LMNTD1: variants seen among roughly 807,000 people sequenced by gnomAD.
The protein encoded by LMNTD1 is lamin tail domain containing 1.
In LMNTD1, 35 loss-of-function variants were observed where a neutral mutation model predicts 50.9. The observed-to-expected ratio is 0.69, with a 90% CI of 0.53 to 0.91. LMNTD1 has a LOEUF of 0.91. LMNTD1 is among the 40% of genes least tolerant of loss of function. The probability of loss-of-function intolerance (pLI) is 0.00; values close to 1 mark genes in which losing one functional copy is unlikely to be tolerated. For missense variants in LMNTD1, 470 were observed against 475.5 expected, an observed-to-expected ratio of 0.99 and a Z score of 0.11; for synonymous variants, 153 against 161.9, an observed-to-expected ratio of 0.94 and a Z score of 0.42.
chr12:25,489,116 C>A (rs1339341306), intron 9 of LMNTD1, among the ~76,000 whole-genome samples: 1 of 152,046 alleles, frequency 6.6e-6, no homozygotes, highest in African/African-American at 2.4e-5. Flanking sequence ...GTGGAGCCTA[C>A]AGTGGCAGGC....
At chr12:25,544,241 G>A (rs1591974791) in intron 4 of LMNTD1, among the ~76,000 whole-genome samples, 1 of 151,914 alleles carries the variant, frequency 6.6e-6, no homozygotes, top group East Asian at 1.9e-4. Flanking sequence ...ATATACTTGG[G>A]AGCTTTGGTG....
At chr12:25,594,984 T>C (rs960697867) in intron 1 of LMNTD1, among the ~76,000 whole-genome samples, 2 of 151,838 alleles carry the variant, frequency 1.3e-5, no homozygotes, top group Admixed American at 6.6e-5. Context: ...AAAAGATAAA[T>C]AGGGACATTA....
intron 4 of LMNTD1, among the ~76,000 whole-genome samples, chr12:25,530,696 T>C (rs1942164375): frequency 6.6e-6 from 1 of 152,230 alleles, no homozygotes; most frequent in Admixed American, 6.5e-5. Flanking sequence ...CCTCTCATTT[T>C]CTTTTCCAAT....
chr12:25,494,388 A>G (rs7956185), intron 9 of LMNTD1, among the ~76,000 whole-genome samples: 1 of 151,454 alleles, frequency 6.6e-6, no homozygotes, highest in Non-Finnish European at 1.5e-5. Flanking sequence ...AACAATTCCA[A>G]AAGTTTTACA....
At chr12:25,514,517 G>T (rs1476476667) in intron 8 of LMNTD1, among the ~76,000 whole-genome samples, 2 of 150,860 alleles carry the variant, frequency 1.3e-5, no homozygotes, top group Admixed American at 1.3e-4. Context: ...GAAGGGTAGT[G>T]GGGGATTTGC....
intron 2 of LMNTD1, among the ~76,000 whole-genome samples, chr12:25,551,585 G>A (rs770751744): frequency 6.6e-6 from 1 of 152,066 alleles, no homozygotes; most frequent in Non-Finnish European, 1.5e-5. Context: ...GACATGTGGT[G>A]TTGCTATGTT....
intron 1 of LMNTD1, among the ~76,000 whole-genome samples, chr12:25,604,860 C>T (rs1946060412): frequency 6.6e-6 from 1 of 152,254 alleles, no homozygotes; most frequent in African/African-American, 2.4e-5. Context: ...TGCGTATATA[C>T]CCAGTAATGG....
chr12:25,525,028 T>C (rs1177978203), intron 6 of LMNTD1, among the ~76,000 whole-genome samples: 1 of 152,222 alleles, frequency 6.6e-6, no homozygotes, highest in African/African-American at 2.4e-5. Flanking sequence ...AGATAGATTC[T>C]TGTTAACATA....
At chr12:25,620,617 G>A (rs1223521598) in intron 1 of LMNTD1, among the ~76,000 whole-genome samples, 1 of 152,116 alleles carries the variant, frequency 6.6e-6, no homozygotes, top group Admixed American at 6.5e-5. Flanking sequence ...AGGTATACAT[G>A]AGTTTCTCAC....
intron 1 of LMNTD1, among the ~76,000 whole-genome samples, chr12:25,626,272 A>G (rs1457521832): frequency 6.6e-6 from 1 of 152,160 alleles, no homozygotes; most frequent in Non-Finnish European, 1.5e-5. Flanking sequence ...AGATGTGTTA[A>G]GTTTGATAAA....
chr12:25,602,938 A>G (rs1946011680), intron 1 of LMNTD1, among the ~76,000 whole-genome samples: 2 of 152,074 alleles, frequency 1.3e-5, no homozygotes, highest in African/African-American at 4.8e-5. Context: ...ATAAATTCAC[A>G]CTGAAAAACA....
At chr12:25,576,518 G>T (rs1398432980) in intron 1 of LMNTD1, among the ~76,000 whole-genome samples, 3 of 152,116 alleles carry the variant, frequency 2.0e-5, no homozygotes, top group African/African-American at 4.8e-5. Flanking sequence ...CATATCATTT[G>T]CCCACTTTTT....
intron 4 of LMNTD1, among the ~76,000 whole-genome samples, chr12:25,536,844 C>A (rs1426230943): frequency 2.0e-5 from 3 of 152,366 alleles, no homozygotes; most frequent in East Asian, 1.9e-4. Context: ...GAGTGCCAGA[C>A]AGTGGGCGCA....
intron 9 of LMNTD1, among the ~76,000 whole-genome samples, chr12:25,488,481 C>T (rs979160559): frequency 8.1e-4 from 118 of 146,514 alleles, no homozygotes; most frequent in Non-Finnish European, 7.3e-4. Flanking sequence ...TTTTCAGCTC[C>T]GTCAGCTCCT....
chr12:25,558,922 G>A (rs938639215), intron 1 of LMNTD1, among the ~76,000 whole-genome samples: 12 of 151,732 alleles, frequency 7.9e-5, no homozygotes, highest in African/African-American at 2.2e-4. Flanking sequence ...ACAATATCAC[G>A]TGTATTTGTA....
chr12:25,613,636 A>C (rs759219152), intron 1 of LMNTD1, among the ~76,000 whole-genome samples: 45 of 152,236 alleles, frequency 3.0e-4, no homozygotes, highest in Non-Finnish European at 5.9e-4. Flanking sequence ...TGTCTGGCAC[A>C]TAAAACCTTA....
chr12:25,550,815 G>A (rs933547099), intron 2 of LMNTD1, among the ~76,000 whole-genome samples: 1 of 152,148 alleles, frequency 6.6e-6, no homozygotes, highest in African/African-American at 2.4e-5. Context: ...AAACTAGACT[G>A]CTCTTTAATG....
intron 4 of LMNTD1, among the ~76,000 whole-genome samples, chr12:25,540,615 T>C (rs1183290563): frequency 7.1e-6 from 1 of 140,642 alleles, no homozygotes; most frequent in Non-Finnish European, 1.6e-5. Context: ...CCACAGCCAA[T>C]ATCATACTGA....
intron 8 of LMNTD1, among the ~76,000 whole-genome samples, chr12:25,504,542 T>A (rs1253614522): frequency 9.2e-6 from 1 of 108,580 alleles, no homozygotes; most frequent in Non-Finnish European, 2.2e-5. Context: ...CGAAATAATA[T>A]CCTAGGTGTA....
Sources: gnomAD v4.1 joint callset for allele counts (sites outside exome capture counted in the v4.1 genomes callset) on GRCh38, gnomAD v4.1.1 for gene constraint, MANE v1.5 for transcripts, NCBI Gene and HGNC (gene_info 2026-07-23, HGNC 2026-07-21) for gene names.